DOK6: variants seen among roughly 807,000 people sequenced by gnomAD.
DOK6 encodes docking protein 6, also known as downstream of tyrosine kinase 6.
DOK6 carries 22 observed loss-of-function variants against 44.0 expected under a neutral mutation model. That is an observed-to-expected ratio of 0.50 (90% CI 0.36 to 0.71). The LOEUF is 0.71. Ranked by LOEUF, DOK6 falls within the 30% of genes least tolerant of loss-of-function variation. The probability of loss-of-function intolerance (pLI) is 0.00; values close to 1 mark genes in which losing one functional copy is unlikely to be tolerated. For missense variants in DOK6, 340 were observed against 416.4 expected (o/e 0.82, Z 1.60); for synonymous variants, 166 against 145.5 (o/e 1.14, Z -1.01).
chr18:69,805,054 T>A (rs1244037381), intron 7 of DOK6, among the ~76,000 whole-genome samples: 2 of 152,154 alleles, frequency 1.3e-5, no homozygotes, highest in Non-Finnish European at 2.9e-5. Flanking sequence ...AAGCTACACT[T>A]AAAAAATTTC....
intron 4 of DOK6, among the ~76,000 whole-genome samples, chr18:69,685,071 A>G (rs1381662714): frequency 6.6e-6 from 1 of 152,150 alleles, no homozygotes; most frequent in Non-Finnish European, 1.5e-5. Context: ...CAGGGATTGA[A>G]CTTTGAATAA....
intron 1 of DOK6, among the ~76,000 whole-genome samples, chr18:69,427,680 C>T (rs1354786904): frequency 1.3e-5 from 2 of 151,996 alleles, no homozygotes; most frequent in African/African-American, 4.8e-5. Flanking sequence ...GCACTATTCA[C>T]AACAGCAAAA....
At chr18:69,783,874 A>G (rs769490078) in intron 7 of DOK6, among the ~76,000 whole-genome samples, 52 of 152,166 alleles carry the variant, frequency 3.4e-4, no homozygotes, top group Non-Finnish European at 5.7e-4. Flanking sequence ...TAAAATACTA[A>G]ATGTTCCGCA....
rs376287840 is a variant in DOK6 at position 69,708,783 on chromosome 18, CAAAAA to C, written c.599+10208_599+10212del. The stretch of plus-strand genomic sequence containing the variant: ...TGGGTGACAGGGCAAAAATCCGTCT[CAAAAA>C]AAAAAAAAAAAAAAAAAGTGCTTTG... On this transcript the variant is annotated intron_variant, in intron 5 of 7. Transcript: ENST00000382713. Among the ~76,000 whole-genome samples, 55 of 79,306 alleles carry C rather than the reference CAAAAA, an allele frequency of 6.9e-4. No homozygotes were observed. In the South Asian group the frequency reaches 0.023, roughly 33 times the overall value. The allele number at this position is 79,306 out of a possible 152,430, so 52.0% of individuals were successfully genotyped here.
At chr18:69,523,068 C>G (rs1981731863) in intron 1 of DOK6, among the ~76,000 whole-genome samples, 2 of 152,026 alleles carry the variant, frequency 1.3e-5, no homozygotes, top group Non-Finnish European at 2.9e-5. Flanking sequence ...ATTTTCTAGG[C>G]TTCGCCAGGG....
At chr18:69,695,662 G>A (rs1380520961) in intron 4 of DOK6, among the ~76,000 whole-genome samples, 1 of 152,264 alleles carries the variant, frequency 6.6e-6, no homozygotes, top group East Asian at 1.9e-4. Flanking sequence ...GTAACATAAT[G>A]TGCTGCCTTC....
At chr18:69,810,441 G>A (rs540383316) in intron 7 of DOK6, among the ~76,000 whole-genome samples, 1 of 151,772 alleles carries the variant, frequency 6.6e-6, no homozygotes, top group South Asian at 2.1e-4. Flanking sequence ...AAAAACCACA[G>A]GAAATGAAAA....
intron 5 of DOK6, among the ~76,000 whole-genome samples, chr18:69,729,595 C>A (rs1397142904): frequency 6.6e-6 from 1 of 151,950 alleles, no homozygotes; most frequent in Non-Finnish European, 1.5e-5. Flanking sequence ...TAGATGGGCA[C>A]CAGTAAGAAA....
chr18:69,420,242 T>C (rs1391130570), intron 1 of DOK6, among the ~76,000 whole-genome samples: 2 of 152,182 alleles, frequency 1.3e-5, no homozygotes, highest in African/African-American at 2.4e-5. Context: ...ATTTGTTATA[T>C]TGTGATTTTT....
intron 1 of DOK6, among the ~76,000 whole-genome samples, chr18:69,545,137 C>A (rs73970162): frequency 0.048 from 7,250 of 150,420 alleles, 591 homozygotes; most frequent in African/African-American, 0.16. Context: ...AAATTACAAC[C>A]CATGATATCA....
intron 3 of DOK6, among the ~76,000 whole-genome samples, chr18:69,673,034 C>A (rs1387490440): frequency 2.0e-5 from 3 of 151,974 alleles, no homozygotes; most frequent in Admixed American, 6.6e-5. Context: ...ATGCTGAAGA[C>A]AAAACAGGAT....
intron 7 of DOK6, among the ~76,000 whole-genome samples, chr18:69,767,478 C>T (rs1230287535): frequency 6.6e-6 from 1 of 152,094 alleles, no homozygotes; most frequent in Non-Finnish European, 1.5e-5. Context: ...CAAACTATAG[C>T]CTCTTTTCCA....
intron 1 of DOK6, among the ~76,000 whole-genome samples, chr18:69,516,127 T>C (rs993587939): frequency 6.6e-6 from 1 of 152,228 alleles, no homozygotes; most frequent in Non-Finnish European, 1.5e-5. Flanking sequence ...CCCTGGAGTG[T>C]CTGGTGCACC....
chr18:69,831,466 A>T (rs994856285), intron 7 of DOK6, among the ~76,000 whole-genome samples: 1 of 152,216 alleles, frequency 6.6e-6, no homozygotes, highest in Non-Finnish European at 1.5e-5. Flanking sequence ...ACAATATGCA[A>T]TCTCACTGTA....
At chr18:69,572,845 G>A (rs1489374790) in intron 2 of DOK6, among the ~76,000 whole-genome samples, 4 of 151,956 alleles carry the variant, frequency 2.6e-5, no homozygotes, top group African/African-American at 7.2e-5. Context: ...TGATGACTTT[G>A]ACAAAAGCTG....
intron 1 of DOK6, among the ~76,000 whole-genome samples, chr18:69,428,071 C>T (rs987667069): frequency 6.6e-6 from 1 of 152,140 alleles, no homozygotes; most frequent in African/African-American, 2.4e-5. Flanking sequence ...AGCCATCCGG[C>T]CTGGCCTGGA....
At chr18:69,416,059 TGGAA>T (rs1283564712) in intron 1 of DOK6, among the ~76,000 whole-genome samples, 2 of 147,682 alleles carry the variant, frequency 1.4e-5, no homozygotes, top group Non-Finnish European at 3.0e-5. Flanking sequence ...AAAAATTTTT[TGGAA>T]GGAAGGAAGG....
At chr18:69,691,417 G>T in intron 4 of DOK6, among the ~76,000 whole-genome samples, 1 of 136,040 alleles carries the variant, frequency 7.4e-6, no homozygotes, top group Non-Finnish European at 1.6e-5. Flanking sequence ...AAGGGCAAGA[G>T]AACTACTTGT....
intron 1 of DOK6, among the ~76,000 whole-genome samples, chr18:69,543,370 A>T (rs1243410907): frequency 2.0e-5 from 3 of 151,684 alleles, no homozygotes; most frequent in Non-Finnish European, 3.0e-5. Flanking sequence ...AGAAGCGATA[A>T]GTATGAGGAA....
Sources: allele counts gnomAD v4.1 joint callset (sites outside exome capture counted in the v4.1 genomes callset), GRCh38; gene constraint gnomAD v4.1.1; transcripts MANE v1.5; gene names NCBI Gene and HGNC (gene_info 2026-07-23, HGNC 2026-07-21).